The following AKAIN1 variants were observed in gnomAD, a reference collection of about 807,000 sequenced individuals.
AKAIN1 encodes the protein A-kinase anchor inhibitor 1, also known as A-kinase anchor protein inhibitor 1.
AKAIN1 carries 3 observed loss-of-function variants against 3.7 expected under a neutral mutation model. The ratio of observed to expected loss-of-function variants is 0.82; its 90% CI spans 0.37 to 2.12. The LOEUF (loss-of-function observed/expected upper bound fraction) is 2.12, where lower values mean the gene tolerates loss of function less well. AKAIN1 is among the 30% of genes most tolerant of loss of function. AKAIN1 has a pLI of 0.06. For synonymous variants in AKAIN1, 31 were observed against 30.8 expected, an observed-to-expected ratio of 1.01 and a Z score of -0.02; for missense variants, 82 against 82.7, an observed-to-expected ratio of 0.99 and a Z score of 0.03.
intron 1 of AKAIN1, among the ~76,000 whole-genome samples, chr18:5,186,475 A>G (rs570117049): frequency 1.3e-5 from 2 of 152,250 alleles, no homozygotes; most frequent in South Asian, 2.1e-4. Flanking sequence ...AAAATGGCCA[A>G]TTCACCAAGA....
chr18:5,153,738 G>A (rs1367689998), intron 1 of AKAIN1, among the ~76,000 whole-genome samples: 3 of 152,192 alleles, frequency 2.0e-5, no homozygotes, highest in African/African-American at 7.2e-5. Flanking sequence ...TGATGGACAC[G>A]TCATTGCATA....
intron 1 of AKAIN1, among the ~76,000 whole-genome samples, chr18:5,180,760 C>CA (rs2071253322): frequency 6.6e-6 from 1 of 151,766 alleles, no homozygotes; most frequent in Admixed American, 6.6e-5. Flanking sequence ...TTATTCCCCC[C>CA]AAAATGCAAA....
At chr18:5,160,487 C>G (rs2071133149) in intron 1 of AKAIN1, among the ~76,000 whole-genome samples, 1 of 152,214 alleles carries the variant, frequency 6.6e-6, no homozygotes, top group African/African-American at 2.4e-5. Flanking sequence ...ATATGTGCAG[C>G]AGATACTTCT....
intron 1 of AKAIN1, among the ~76,000 whole-genome samples, chr18:5,162,788 G>T (rs1364637001): frequency 6.6e-6 from 1 of 151,822 alleles, no homozygotes; most frequent in Non-Finnish European, 1.5e-5. Flanking sequence ...CTCAGCCCTG[G>T]GATAGGCATT....
At chr18:5,174,595 G>T (rs375075876) in intron 1 of AKAIN1, among the ~76,000 whole-genome samples, 1 of 152,130 alleles carries the variant, frequency 6.6e-6, no homozygotes, top group Admixed American at 6.5e-5. Context: ...ACAAAAATTA[G>T]CAGAGCATGG....
chr18:5,197,086 G>T lies in AKAIN1; in HGVS notation c.-33C>A. On this transcript the variant is annotated 5_prime_UTR_variant, in exon 1 of 2. Coordinates refer to ENST00000434239, the MANE Select transcript of AKAIN1 (RefSeq NM_001145194.2). The surrounding 1 kb of genome is among the most constrained non-coding windows in gnomAD (Gnocchi z 6.9). ...TCCAGCCGCTACGCCCCCAGATTAA[G>T]AGAGAAAGACAGGCAGACGGAGGAT... The T allele has an allele frequency of 6.4e-7, 1 of 1,551,390 alleles. No homozygotes were observed. Among genetic ancestry groups the T allele is most frequent in the Non-Finnish European group, 8.7e-7 (1 of 1,146,928 alleles).
chr18:5,195,829 A>G (rs1034315603), intron 1 of AKAIN1, among the ~76,000 whole-genome samples: 3 of 152,020 alleles, frequency 2.0e-5, no homozygotes, highest in Non-Finnish European at 4.4e-5. Context: ...GTTATTTAGG[A>G]TGGGCATGGG....
At chr18:5,196,015 A>G (rs565348693) in intron 1 of AKAIN1, among the ~76,000 whole-genome samples, 191 of 151,290 alleles carry the variant, frequency 1.3e-3, no homozygotes, top group Middle Eastern at 3.4e-3. Flanking sequence ...AAAAGACTCA[A>G]TTCTTCCCTT....
chr18:5,180,073 C>T (rs965550523), intron 1 of AKAIN1, among the ~76,000 whole-genome samples: 9 of 152,150 alleles, frequency 5.9e-5, no homozygotes, highest in Admixed American at 5.9e-4. Context: ...GACTCAGACC[C>T]AGAGCAAGAC....
intron 1 of AKAIN1, among the ~76,000 whole-genome samples, chr18:5,160,308 G>A (rs1368235825): frequency 6.6e-6 from 1 of 151,994 alleles, no homozygotes; most frequent in African/African-American, 2.4e-5. Context: ...TATATTTCAC[G>A]GATTTTATTT....
chr18:5,147,278 T>A (rs1279390987), intron 1 of AKAIN1, among the ~76,000 whole-genome samples: 1 of 152,192 alleles, frequency 6.6e-6, no homozygotes, highest in African/African-American at 2.4e-5. Context: ...CCTCCAGGCC[T>A]CTTTTTATGT....
chr18:5,189,835 T>C (rs2071309394), intron 1 of AKAIN1, among the ~76,000 whole-genome samples: 1 of 152,058 alleles, frequency 6.6e-6, no homozygotes, highest in African/African-American at 2.4e-5. Flanking sequence ...AGTCTGCTCC[T>C]CCAAATTCTT....
At chr18:5,163,627 C>T (rs910155617) in intron 1 of AKAIN1, 1 of 151,952 alleles carries the variant, frequency 6.6e-6, no homozygotes, top group African/African-American at 2.4e-5. Flanking sequence ...AACATTTCCC[C>T]CCATATATGC....
chr18:5,167,202 C>T (rs1218986171), intron 1 of AKAIN1, among the ~76,000 whole-genome samples: 1 of 152,024 alleles, frequency 6.6e-6, no homozygotes, highest in East Asian at 1.9e-4. Flanking sequence ...GAGAAATGTA[C>T]TGAAAGAGTC....
At position 5,143,189 on chromosome 18, in the gene AKAIN1, G is replaced by T. The variant is rs1222048965; in HGVS notation, c.*2373C>A. On this transcript the variant is annotated 3_prime_UTR_variant, in exon 2 of 2. Transcript: ENST00000434239. The stretch of plus-strand genomic sequence containing the variant: ...TCCTATGTCAAATGAAGTTCTGTAG[G>T]CCCCTTGTAAAATCTAGTAACTTTT... Among the ~76,000 whole-genome samples, 1 of 152,148 alleles carries T rather than the reference G, an allele frequency of 6.6e-6. No homozygotes were observed. Among genetic ancestry groups the T allele is most frequent in the Non-Finnish European group, 1.5e-5 (1 of 68,022 alleles).
chr18:5,194,857 G>T (rs531149655), intron 1 of AKAIN1, among the ~76,000 whole-genome samples: 1 of 152,302 alleles, frequency 6.6e-6, no homozygotes, highest in East Asian at 1.9e-4. Context: ...AAAGAAAGGG[G>T]TGGGAGTGTA....
intron 1 of AKAIN1, among the ~76,000 whole-genome samples, chr18:5,155,684 G>GGCCCGA (rs944898845): frequency 2.4e-4 from 37 of 152,342 alleles, no homozygotes; most frequent in African/African-American, 8.2e-4. Flanking sequence ...CCGAACTCAG[G>GGCCCGA]ACTCCCAGAT....
intron 1 of AKAIN1, among the ~76,000 whole-genome samples, chr18:5,182,358 A>T (rs983387386): frequency 6.6e-6 from 1 of 152,140 alleles, no homozygotes; most frequent in Non-Finnish European, 1.5e-5. Flanking sequence ...CAACAATAAC[A>T]TCAGTAATAG....
chr18:5,155,988 C>A (rs780209092), intron 1 of AKAIN1, among the ~76,000 whole-genome samples: 2 of 152,170 alleles, frequency 1.3e-5, no homozygotes, highest in Non-Finnish European at 2.9e-5. Flanking sequence ...ACATCCACAG[C>A]ACTTTCTGAC....
Sources: allele counts gnomAD v4.1 joint callset (sites outside exome capture counted in the v4.1 genomes callset), GRCh38; gene constraint gnomAD v4.1.1; non-coding constraint Gnocchi (gnomAD v3.1); transcripts MANE v1.5; gene names NCBI Gene and HGNC (gene_info 2026-07-23, HGNC 2026-07-21).